NID1: variants seen among roughly 807,000 people sequenced by gnomAD.
NID1 encodes the protein nidogen-1.
In NID1, 76 loss-of-function variants were observed where a neutral mutation model predicts 130.6. The observed-to-expected ratio is 0.58, with a 90% CI of 0.48 to 0.70. The LOEUF (loss-of-function observed/expected upper bound fraction) is 0.70. Among genes scored for constraint, NID1 ranks in the 30% least tolerant of loss-of-function variants. The pLI, the probability that NID1 is intolerant of heterozygous loss-of-function variation, is 0.00. For synonymous variants in NID1, 665 were observed against 675.1 expected (o/e 0.98, Z 0.23); for missense variants, 1,517 against 1,664.8 (o/e 0.91, Z 1.54).
intron 12 of NID1, among the ~76,000 whole-genome samples, chr1:235,999,108 A>T (rs1229469858): frequency 6.6e-6 from 1 of 152,174 alleles, no homozygotes; most frequent in African/African-American, 2.4e-5. Flanking sequence ...TCATTCACCA[A>T]AATTACCTGT....
intron 2 of NID1, 128 bp from the exon 3 acceptor site, chr1:236,045,811 AAAG>A (rs1659585720): frequency 2.8e-6 from 2 of 712,974 alleles, no homozygotes; most frequent in African/African-American, 1.8e-5. Flanking sequence ...CCTTATTCTA[AAAG>A]AAGGACTTTT....
At chr1:236,056,717 C>T (rs1316144370) in intron 1 of NID1, among the ~76,000 whole-genome samples, 2 of 152,084 alleles carry the variant, frequency 1.3e-5, no homozygotes, top group African/African-American at 2.4e-5. Flanking sequence ...CTTCCTTCCC[C>T]AGACTTTCCT....
rs201523817 is a variant in NID1, at chr1:236,048,680, G to A, written c.525+10C>T. The A allele has an allele frequency of 2.5e-6, 4 of 1,605,708 alleles. No homozygotes were observed. The African/African-American group carries it at 5.4e-5, about 22-fold the overall frequency. On this transcript the variant is annotated intron_variant, in intron 2 of 19. Transcript: ENST00000264187. ...TGATTACCTGCACTTGGACCTGGAG[G>A]GGAGCTTACCTTGCCTTTCTGGTCT...
chr1:236,003,393 T>C (rs1658144022), intron 12 of NID1, among the ~76,000 whole-genome samples: 1 of 152,242 alleles, frequency 6.6e-6, no homozygotes, highest in Non-Finnish European at 1.5e-5. Flanking sequence ...TTGGATGCCT[T>C]GGACAAATTA....
chr1:236,029,888 T>C, intron 6 of NID1, 138 bp from the exon 7 acceptor site: 1 of 750,840 alleles, frequency 1.3e-6, no homozygotes, highest in Non-Finnish European at 2.2e-6. Flanking sequence ...ATAGAACTGG[T>C]GACACTGAAG....
At chr1:235,999,806 C>T (rs1006125347) in intron 12 of NID1, among the ~76,000 whole-genome samples, 2 of 152,134 alleles carry the variant, frequency 1.3e-5, no homozygotes, top group Admixed American at 6.5e-5. Context: ...GGAATGGACC[C>T]CTCCTCTCAG....
In NID1 at chr1:236,063,992, C is replaced by CATTT. The variant is rs1405535102; in HGVS notation, c.225+859_225+862dup. On this transcript the variant is annotated intron_variant, in intron 1 of 19. Coordinates refer to ENST00000264187, the MANE Select transcript of NID1 (RefSeq NM_002508.3). Reference sequence around the variant, plus strand: ...TCCCAGGCCAGACCGGGAGCACAGCCATTTCACGGGCAGGACAGGCTGCAG... The same window carrying CATTT: ...TCCCAGGCCAGACCGGGAGCACAGCCATTTATTTCACGGGCAGGACAGGCTGCAG... 3.3e-5 allele frequency among the ~76,000 whole-genome samples: 5 copies of CATTT among 152,196 alleles called. No homozygotes were observed. The South Asian group carries it at 6.2e-4, about 19-fold the overall frequency.
intron 4 of NID1, among the ~76,000 whole-genome samples, 173 bp from the exon 5 acceptor site, chr1:236,038,426 G>A (rs1659327940): frequency 6.6e-6 from 1 of 152,176 alleles, no homozygotes; most frequent in South Asian, 2.1e-4. Context: ...CACTTAAATA[G>A]TTACGTGAGC....
intron 5 of NID1, among the ~76,000 whole-genome samples, chr1:236,033,685 G>A (rs928677814): frequency 1.4e-4 from 22 of 152,096 alleles, no homozygotes; most frequent in African/African-American, 5.3e-4. Context: ...AAATTGATCT[G>A]GGATACCATT....
chr1:236,043,099 G>A (rs557700853), intron 3 of NID1, among the ~76,000 whole-genome samples: 29 of 152,174 alleles, frequency 1.9e-4, no homozygotes, highest in Non-Finnish European at 3.4e-4. Flanking sequence ...TAGAAACCCT[G>A]CCCCCTTACC....
At position 236,003,060 on chromosome 1, in the gene NID1, A is replaced by ATCACTCCTAGTGAACGAGTGGTAGTTG. The variant is rs1267211626; in HGVS notation, c.2527+8834_2527+8860dup. On this transcript the variant is annotated intron_variant, in intron 12 of 19. Transcript: ENST00000264187. Reference sequence around the variant, plus strand: ...TTCCTGCTGCTAGTTATCACTGGTTATCACTCCTAGTGAACGAGTGGTAGT... The same window carrying ATCACTCCTAGTGAACGAGTGGTAGTTG: ...TTCCTGCTGCTAGTTATCACTGGTTATCACTCCTAGTGAACGAGTGGTAGTTGTCACTCCTAGTGAACGAGTGGTAGT... Among the ~76,000 whole-genome samples, 70 of 134,712 alleles carry ATCACTCCTAGTGAACGAGTGGTAGTTG rather than the reference A, an allele frequency of 5.2e-4. 7 individuals are homozygous for ATCACTCCTAGTGAACGAGTGGTAGTTG. Among genetic ancestry groups the ATCACTCCTAGTGAACGAGTGGTAGTTG allele is most frequent in the Non-Finnish European group, 5.6e-4 (35 of 62,762 alleles). 88.4% of individuals were successfully genotyped at this position (134,712 alleles called of 152,430 possible).
intron 1 of NID1, chr1:236,060,648 A>T (rs909171253): frequency 1.3e-5 from 2 of 152,014 alleles, no homozygotes; most frequent in Admixed American, 6.6e-5. Flanking sequence ...TCTACCTGAG[A>T]TTACTTTCCA....
At position 236,038,224 on chromosome 1, in the gene NID1, T is replaced by C; in HGVS notation, c.1165A>G (p.Thr389Ala). Residue 389 changes from threonine (T) to alanine (A), a missense_variant, in exon 5 of 20, where the codon ACG becomes GCG. Physicochemically the swap from Thr to Ala is moderately conservative, Grantham distance 58 (BLOSUM62 0). Coordinates refer to ENST00000264187, the MANE Select transcript of NID1 (RefSeq NM_002508.3). ...VFSYNTDSRQ[T>A]CANNRHQCSV... ...CACTGGTGTCTGTTGTTAGCACACGTCTGGCGGGAATCCGTGTTATAGCTG... is the reference window on the plus strand; with the variant it reads ...CACTGGTGTCTGTTGTTAGCACACGCCTGGCGGGAATCCGTGTTATAGCTG... The C allele has an allele frequency of 6.2e-7, 1 of 1,613,258 alleles. No homozygotes were observed. The highest frequency in any genetic ancestry group is 8.5e-7 in the Non-Finnish European group (1 of 1,179,382).
At chr1:236,031,605 G>A (rs967540935) in intron 6 of NID1, among the ~76,000 whole-genome samples, 1 of 152,214 alleles carries the variant, frequency 6.6e-6, no homozygotes, top group African/African-American at 2.4e-5. Flanking sequence ...GAGAAGGCAG[G>A]TCTAGGTCGT....
intron 12 of NID1, among the ~76,000 whole-genome samples, chr1:235,999,710 T>A (rs745566601): frequency 1.3e-5 from 2 of 152,068 alleles, no homozygotes; most frequent in Non-Finnish European, 2.9e-5. Context: ...TGGGGTGACT[T>A]TTCTCAAGGT....
intron 12 of NID1, among the ~76,000 whole-genome samples, chr1:236,010,300 CTTTTT>C (rs551127579): frequency 1.1e-3 from 121 of 107,182 alleles, no homozygotes; most frequent in African/African-American, 3.9e-3. Flanking sequence ...GCTATTTATA[CTTTTT>C]TTTTTTTTTT....
intron 17 of NID1, 70 bp downstream of exon 17, chr1:235,980,426 G>C: frequency 6.6e-7 from 1 of 1,522,606 alleles, no homozygotes; most frequent in Non-Finnish European, 9.0e-7. Flanking sequence ...TTGACCCCAG[G>C]GCCCTAGTTT....
intron 9 of NID1, among the ~76,000 whole-genome samples, chr1:236,023,382 T>C (rs1658820325): frequency 6.6e-6 from 1 of 152,192 alleles, no homozygotes; most frequent in African/African-American, 2.4e-5. Flanking sequence ...CAAATATGAT[T>C]CCACATATGC....
intron 15 of NID1, 62 bp downstream of exon 15, chr1:235,985,317 A>T: frequency 6.3e-7 from 1 of 1,592,892 alleles, no homozygotes. Context: ...TCTCTGGCAT[A>T]CATGGCCACT....
Sources: allele counts gnomAD v4.1 joint callset (sites outside exome capture counted in the v4.1 genomes callset), GRCh38; gene constraint gnomAD v4.1.1; transcripts MANE v1.5; gene names NCBI Gene and HGNC (gene_info 2026-07-23, HGNC 2026-07-21).